SOX6: variants seen among roughly 807,000 people sequenced by gnomAD.
SOX6 encodes transcription factor SOX-6.
SOX6 carries 11 observed loss-of-function variants against 97.8 expected under a neutral mutation model. That is an observed-to-expected ratio of 0.11 (90% confidence interval 0.07 to 0.19). The LOEUF is 0.19. SOX6 is among the 10% of genes least tolerant of loss of function. The pLI is 1.00. For synonymous variants in SOX6, 360 were observed against 371.4 expected (o/e 0.97, Z 0.35); for missense variants, 810 against 1,039.5 (o/e 0.78, Z 3.04).
At chr11:16,234,018 A>G (rs1349512734) in intron 4 of SOX6, among the ~76,000 whole-genome samples, 4 of 151,224 alleles carry the variant, frequency 2.6e-5, no homozygotes, top group Admixed American at 1.3e-4. Context: ...AAAAAAAAAA[A>G]AAAGAAAAGA....
intron 9 of SOX6, among the ~76,000 whole-genome samples, chr11:16,069,982 C>T (rs371355353): frequency 2.6e-5 from 4 of 151,882 alleles, no homozygotes; most frequent in African/African-American, 7.3e-5. Context: ...CGTGAAACCC[C>T]GTCTCTACTA....
intron 10 of SOX6, among the ~76,000 whole-genome samples, chr11:16,050,766 T>C (rs1847666070): frequency 6.6e-6 from 1 of 152,152 alleles, no homozygotes; most frequent in Admixed American, 6.5e-5. Context: ...TTTTGTCTCA[T>C]TTATCCTGCC....
In SOX6 at chr11:16,521,364, C is replaced by G. The variant is rs529266586; in HGVS notation, n.610-44976G>C. On this transcript the variant is annotated intron_variant and non_coding_transcript_variant, in intron 4 of 5. Coordinates refer to the SOX6 transcript ENST00000524520. ...GCTGCCACCACTGCTGATACCCAGG[C>G]AAACAGGGTCAGGAGTGGACCTCTA... Among the ~76,000 whole-genome samples the G allele has an allele frequency of 2.6e-5, 4 of 152,322 alleles. No homozygotes were observed. The South Asian group carries it at 8.3e-4, about 32-fold the overall frequency.
intron 13 of SOX6, among the ~76,000 whole-genome samples, chr11:15,998,883 A>G (rs925687452): frequency 6.6e-6 from 1 of 152,144 alleles, no homozygotes; most frequent in East Asian, 1.9e-4. Context: ...TCTTAGATAC[A>G]ACATATAAAT....
intron 4 of SOX6, among the ~76,000 whole-genome samples, chr11:16,234,042 GA>G (rs1346487514): frequency 6.7e-6 from 1 of 148,212 alleles, no homozygotes; most frequent in Non-Finnish European, 1.5e-5. Context: ...GAAAGAAAAA[GA>G]AAAAAAGAAA....
chr11:16,236,452 G>A (rs1265808880), intron 3 of SOX6, among the ~76,000 whole-genome samples: 2 of 151,862 alleles, frequency 1.3e-5, no homozygotes, highest in Admixed American at 6.6e-5. Context: ...TTGATATAAC[G>A]TTAGAGTATG....
upstream of SOX6, among the ~76,000 whole-genome samples, chr11:16,476,572 C>CA (rs1860253802): frequency 6.6e-6 from 1 of 152,128 alleles, no homozygotes; most frequent in Admixed American, 6.6e-5. Context: ...CATGGTTCTA[C>CA]ATCTAAGAAT....
At chr11:16,138,695 C>T (rs916657111) in intron 6 of SOX6, among the ~76,000 whole-genome samples, 9 of 151,434 alleles carry the variant, frequency 5.9e-5, no homozygotes, top group Non-Finnish European at 1.2e-4. Context: ...TGCTATCCCT[C>T]CCCCCTCCTC....
chr11:16,398,271 G>A (rs1245631516), intron 1 of SOX6, among the ~76,000 whole-genome samples: 2 of 151,502 alleles, frequency 1.3e-5, no homozygotes, highest in Non-Finnish European at 3.0e-5. Context: ...ACCTTATTGC[G>A]AGTTTGACCT....
chr11:16,464,815 C>T (rs1028419617), intron 1 of SOX6, among the ~76,000 whole-genome samples: 23 of 152,174 alleles, frequency 1.5e-4, no homozygotes, highest in African/African-American at 4.6e-4. Flanking sequence ...AGTAGGCACA[C>T]ATTTCCTAAA....
At chr11:16,311,534 T>G (rs1855602679) in intron 3 of SOX6, 1 of 152,174 alleles carries the variant, frequency 6.6e-6, no homozygotes, top group Non-Finnish European at 1.5e-5. Context: ...CTTAACTAAT[T>G]ATTCATCTTC....
In SOX6 at chr11:16,262,774, G is replaced by T. The variant is rs1201856837; in HGVS notation, c.446-28103C>A. Among the ~76,000 whole-genome samples the T allele has an allele frequency of 2.0e-5, 3 of 151,992 alleles. No homozygotes were observed. In the East Asian group the frequency reaches 5.8e-4, roughly 29 times the overall value. The stretch of plus-strand genomic sequence containing the variant: ...AAGAAAAACTGTGGTAACATCTTGA[G>T]TTCAGATCAATGATGCATTTAGATC... On this transcript the variant is annotated intron_variant, in intron 3 of 15. Transcript: ENST00000683767.
chr11:16,445,482 C>T (rs1859593286), intron 1 of SOX6, among the ~76,000 whole-genome samples: 1 of 152,142 alleles, frequency 6.6e-6, no homozygotes, highest in Non-Finnish European at 1.5e-5. Context: ...TATTCATAAA[C>T]CAAATCTGTG....
At chr11:16,505,806 C>A (rs1174605072) in intron 4 of SOX6, among the ~76,000 whole-genome samples, 1 of 152,178 alleles carries the variant, frequency 6.6e-6, no homozygotes, top group Non-Finnish European at 1.5e-5. Flanking sequence ...TAAAAAGGCT[C>A]CAGATACATC....
chr11:16,535,124 C>G (rs184622123), intron 4 of SOX6, among the ~76,000 whole-genome samples: 4 of 152,276 alleles, frequency 2.6e-5, no homozygotes, highest in African/African-American at 9.6e-5. Context: ...CTGATGTTCA[C>G]TCACTGAATA....
intron 12 of SOX6, among the ~76,000 whole-genome samples, chr11:16,019,126 T>C (rs998403417): frequency 5.9e-5 from 9 of 152,222 alleles, no homozygotes; most frequent in African/African-American, 1.7e-4. Context: ...AATGTAATAA[T>C]GCACTGGGTC....
intron 4 of SOX6, among the ~76,000 whole-genome samples, chr11:16,496,667 T>C (rs1166421775): frequency 2.0e-5 from 3 of 152,192 alleles, no homozygotes; most frequent in Non-Finnish European, 1.5e-5. Context: ...CACCAGGAGA[T>C]TGTATCCCGT....
chr11:16,706,757 A>T (rs973094653), intron 3 of SOX6, among the ~76,000 whole-genome samples: 6 of 151,388 alleles, frequency 4.0e-5, no homozygotes, highest in African/African-American at 1.5e-4. Flanking sequence ...TAAAATGACA[A>T]ATTAGCCATT....
intron 4 of SOX6, among the ~76,000 whole-genome samples, chr11:16,540,012 AC>A: frequency 6.6e-6 from 1 of 152,290 alleles, no homozygotes; most frequent in Non-Finnish European, 1.5e-5. Context: ...CAGGGACACA[AC>A]AAAAAAAAGA....
Sources: gnomAD v4.1 joint callset for allele counts (sites outside exome capture counted in the v4.1 genomes callset) on GRCh38, gnomAD v4.1.1 for gene constraint, MANE v1.5 for transcripts, NCBI Gene and HGNC (gene_info 2026-07-23, HGNC 2026-07-21) for gene names.